PCED1B: variants seen among roughly 807,000 people sequenced by gnomAD.
The protein encoded by PCED1B is PC-esterase domain-containing protein 1B.
For synonymous variants in PCED1B, 251 were observed against 246.1 expected, an observed-to-expected ratio of 1.02 and a Z score of -0.19; for missense variants, 573 against 573.9, an observed-to-expected ratio of 1.00 and a Z score of 0.02.
intron 2 of PCED1B, among the ~76,000 whole-genome samples, chr12:47,174,442 AAAATAAAT>A (rs145322012): frequency 0.039 from 5,841 of 150,952 alleles, 354 homozygotes; most frequent in African/African-American, 0.13. Context: ...ACAAACAAAC[AAAATAAAT>A]AAATAAATAA....
chr12:47,148,169 T>C (rs1281202966), intron 2 of PCED1B, among the ~76,000 whole-genome samples: 1 of 152,158 alleles, frequency 6.6e-6, no homozygotes, highest in Non-Finnish European at 1.5e-5. Context: ...TAACAACCCA[T>C]TTTCACAATA....
At chr12:47,208,509 T>A (rs780487285) in intron 2 of PCED1B, 3 of 152,264 alleles carry the variant, frequency 2.0e-5, no homozygotes, top group Non-Finnish European at 4.4e-5. Context: ...GTTCAAGCAG[T>A]CCTGCCTCAG....
intron 2 of PCED1B, among the ~76,000 whole-genome samples, chr12:47,175,564 G>A (rs1435878186): frequency 6.6e-6 from 1 of 151,974 alleles, no homozygotes; most frequent in Non-Finnish European, 1.5e-5. Flanking sequence ...ATGTATGTAT[G>A]TATGTATGTA....
At chr12:47,150,340 T>G (rs1486901612) in intron 2 of PCED1B, among the ~76,000 whole-genome samples, 1 of 149,672 alleles carries the variant, frequency 6.7e-6, no homozygotes, top group African/African-American at 2.5e-5. Flanking sequence ...CTTTGGGAGG[T>G]CAAGGCAGGA....
intron 2 of PCED1B, among the ~76,000 whole-genome samples, chr12:47,136,590 T>G (rs549557384): frequency 1.0e-3 from 153 of 152,370 alleles, no homozygotes; most frequent in Non-Finnish European, 5.4e-4. Flanking sequence ...GATGACTCTT[T>G]GAAAGTAGTT....
intron 1 of PCED1B, among the ~76,000 whole-genome samples, chr12:47,083,293 T>C (rs2137137744): frequency 6.6e-6 from 1 of 152,266 alleles, no homozygotes; most frequent in African/African-American, 2.4e-5. Context: ...CCACGCGTCC[T>C]GTAGTCAGGT....
intron 2 of PCED1B, among the ~76,000 whole-genome samples, chr12:47,120,362 A>G (rs1015346469): frequency 6.6e-6 from 1 of 152,220 alleles, no homozygotes; most frequent in Non-Finnish European, 1.5e-5. Flanking sequence ...GCATTTGCCC[A>G]CACAAAATTT....
chr12:47,127,586 G>A (rs890729700), intron 2 of PCED1B, among the ~76,000 whole-genome samples: 2 of 151,544 alleles, frequency 1.3e-5, no homozygotes, highest in East Asian at 1.9e-4. Context: ...GGATGGTCTC[G>A]ATCTCCTGAC....
intron 1 of PCED1B, among the ~76,000 whole-genome samples, chr12:47,087,885 G>A (rs1938063916): frequency 6.6e-6 from 1 of 152,158 alleles, no homozygotes; most frequent in South Asian, 2.1e-4. Context: ...TATAAGCAAG[G>A]AAAGTAGTGT....
chr12:47,220,553 C>T (rs1481233354), intron 3 of PCED1B, among the ~76,000 whole-genome samples: 1 of 152,144 alleles, frequency 6.6e-6, no homozygotes, highest in Admixed American at 6.5e-5. Context: ...CCTCCTTCAC[C>T]GGGTTGTGAG....
chr12:47,229,931 G>A (rs866486801), intron 3 of PCED1B, among the ~76,000 whole-genome samples: 18 of 145,250 alleles, frequency 1.2e-4, no homozygotes, highest in Middle Eastern at 3.7e-3. Context: ...CACCACACCC[G>A]GCTAATATTT....
At chr12:47,096,042 T>G (rs186377037) in intron 1 of PCED1B, among the ~76,000 whole-genome samples, 239 of 152,276 alleles carry the variant, frequency 1.6e-3, no homozygotes, top group Non-Finnish European at 2.8e-3. Flanking sequence ...AATTGAGGTC[T>G]CCTTGTTTCT....
chr12:47,152,344 T>C (rs1592207879), intron 2 of PCED1B, among the ~76,000 whole-genome samples: 1 of 152,190 alleles, frequency 6.6e-6, no homozygotes, highest in East Asian at 1.9e-4. Context: ...TCCTGAGATA[T>C]ACACTGAGAA....
At chr12:47,229,430 A>T (rs1204772354) in intron 3 of PCED1B, among the ~76,000 whole-genome samples, 2 of 151,722 alleles carry the variant, frequency 1.3e-5, no homozygotes, top group East Asian at 1.9e-4. Context: ...AAAAAAAAAG[A>T]TAAGAAAATA....
intron 2 of PCED1B, among the ~76,000 whole-genome samples, chr12:47,139,194 T>G (rs1361585071): frequency 1.3e-5 from 2 of 152,114 alleles, no homozygotes; most frequent in Non-Finnish European, 2.9e-5. Context: ...GTTACTTCTC[T>G]TTTTGAAGCT....
intron 2 of PCED1B, among the ~76,000 whole-genome samples, chr12:47,207,080 T>C (rs1317514862): frequency 6.6e-6 from 1 of 152,150 alleles, no homozygotes; most frequent in Non-Finnish European, 1.5e-5. Context: ...CAAAATCTTA[T>C]TAGGAGAACA....
chr12:47,109,200 A>C (rs930541793), intron 2 of PCED1B, among the ~76,000 whole-genome samples: 2 of 152,246 alleles, frequency 1.3e-5, no homozygotes, highest in African/African-American at 4.8e-5. Context: ...TACTAGATTT[A>C]GGATGTAGAA....
chr12:47,236,473 C>A lies in PCED1B; in HGVS notation c.*111C>A. ...ACCTTGTTAACTTAAGCCTGGAGTC[C>A]ATGCCTCGTCTTCCTTTTGTTCATT... On this transcript the variant is annotated 3_prime_UTR_variant, in exon 4 of 4. Coordinates refer to ENST00000546455, the MANE Select transcript of PCED1B (RefSeq NM_138371.3). 1 of 1,093,962 alleles carries A rather than the reference C, an allele frequency of 9.1e-7. No homozygotes were observed. Among genetic ancestry groups the A allele is most frequent in the Non-Finnish European group, 1.3e-6 (1 of 785,194 alleles). 67.8% of individuals were successfully genotyped at this position (1,093,962 alleles called of 1,614,324 possible).
intron 1 of PCED1B, among the ~76,000 whole-genome samples, chr12:47,083,287 G>A (rs1269565584): frequency 6.6e-6 from 1 of 151,902 alleles, no homozygotes. Context: ...ACTCTACCAC[G>A]CGTCCTGTAG....
Sources: gnomAD v4.1 joint callset for allele counts (sites outside exome capture counted in the v4.1 genomes callset) on GRCh38, gnomAD v4.1.1 for gene constraint, MANE v1.5 for transcripts, NCBI Gene and HGNC (gene_info 2026-07-23, HGNC 2026-07-21) for gene names.